Variants in NOL4 observed in about 807,000 individuals in gnomAD.
NOL4 encodes the protein nucleolar protein 4.
A neutral mutation model predicts 75.9 loss-of-function variants in NOL4; 17 were observed. The ratio of observed to expected loss-of-function variants is 0.22; its 90% CI spans 0.15 to 0.34. NOL4 has a LOEUF of 0.34. NOL4 is among the 10% of genes least tolerant of loss of function. The probability of loss-of-function intolerance (pLI) is 1.00; values close to 1 mark genes in which losing one functional copy is unlikely to be tolerated. For synonymous variants in NOL4, 292 were observed against 289.9 expected (o/e 1.01, Z -0.07); for missense variants, 614 against 793.5 (o/e 0.77, Z 2.72).
At chr18:34,171,711 A>G (rs1038323674) in intron 1 of NOL4, among the ~76,000 whole-genome samples, 5 of 152,158 alleles carry the variant, frequency 3.3e-5, no homozygotes, top group African/African-American at 9.6e-5. Flanking sequence ...TTCTACAAAT[A>G]AAGAGATGAT....
At chr18:34,164,793 T>C (rs1192592907) in intron 1 of NOL4, among the ~76,000 whole-genome samples, 1 of 151,730 alleles carries the variant, frequency 6.6e-6, no homozygotes, top group African/African-American at 2.4e-5. Context: ...CATGCACACG[T>C]ATGTTTATTG....
At chr18:33,894,319 A>G (rs985610624) in intron 9 of NOL4, among the ~76,000 whole-genome samples, 3 of 152,132 alleles carry the variant, frequency 2.0e-5, no homozygotes, top group Non-Finnish European at 2.9e-5. Flanking sequence ...TGATGGCATC[A>G]ACAAAACACA....
At chr18:34,142,391 T>C (rs982514152) in intron 1 of NOL4, among the ~76,000 whole-genome samples, 4 of 152,202 alleles carry the variant, frequency 2.6e-5, no homozygotes, top group Non-Finnish European at 4.4e-5. Flanking sequence ...TGTATGTTTA[T>C]TGTGGCACTA....
intron 9 of NOL4, among the ~76,000 whole-genome samples, chr18:33,896,026 A>G (rs2065382386): frequency 6.6e-6 from 1 of 152,102 alleles, no homozygotes; most frequent in African/African-American, 2.4e-5. Context: ...CCAAGAACCA[A>G]ATCAGAAAGG....
At chr18:34,167,439 C>T (rs576498994) in intron 1 of NOL4, among the ~76,000 whole-genome samples, 2 of 152,192 alleles carry the variant, frequency 1.3e-5, no homozygotes, top group Non-Finnish European at 2.9e-5. Context: ...ACTACTTCTT[C>T]TACCTGTTTC....
intron 1 of NOL4, among the ~76,000 whole-genome samples, chr18:34,192,043 C>T (rs189377203): frequency 1.3e-5 from 2 of 152,236 alleles, no homozygotes; most frequent in East Asian, 3.9e-4. Flanking sequence ...ATCAGATGTA[C>T]ATCTCTCCAC....
At chr18:33,982,265 TAGTC>T (rs1455752311) in intron 6 of NOL4, among the ~76,000 whole-genome samples, 6 of 152,094 alleles carry the variant, frequency 3.9e-5, no homozygotes, top group Non-Finnish European at 8.8e-5. Flanking sequence ...AGAACAGAGA[TAGTC>T]AGAGTGGATC....
intron 5 of NOL4, among the ~76,000 whole-genome samples, chr18:34,050,802 A>T (rs2076594879): frequency 6.6e-6 from 1 of 152,130 alleles, no homozygotes; most frequent in Non-Finnish European, 1.5e-5. Flanking sequence ...TTCACAAAAC[A>T]AGTTTTAAAT....
At chr18:33,982,435 T>G (rs974796074) in intron 6 of NOL4, among the ~76,000 whole-genome samples, 1 of 152,102 alleles carries the variant, frequency 6.6e-6, no homozygotes, top group Non-Finnish European at 1.5e-5. Flanking sequence ...GGAGCAGACT[T>G]CAAAGCCAGA....
At chr18:34,145,054 G>A (rs2081341440) in intron 1 of NOL4, among the ~76,000 whole-genome samples, 2 of 151,938 alleles carry the variant, frequency 1.3e-5, no homozygotes, top group Admixed American at 6.6e-5. Context: ...GAGGTAATTT[G>A]GCAAGATATT....
At chr18:33,905,358 C>A (rs562954010) in intron 9 of NOL4, among the ~76,000 whole-genome samples, 5 of 152,118 alleles carry the variant, frequency 3.3e-5, no homozygotes, top group South Asian at 2.1e-4. Context: ...AATACCCATT[C>A]ATCAGTTAAA....
At chr18:34,189,034 C>T (rs529736160) in intron 1 of NOL4, among the ~76,000 whole-genome samples, 3 of 152,166 alleles carry the variant, frequency 2.0e-5, no homozygotes, top group Admixed American at 6.5e-5. Context: ...TTAGTCTGTT[C>T]TCTGTTTCTG....
At chr18:33,906,346 A>AACCT (rs559148117) in intron 9 of NOL4, among the ~76,000 whole-genome samples, 153 of 152,234 alleles carry the variant, frequency 1.0e-3, no homozygotes, top group African/African-American at 3.5e-3. Flanking sequence ...ACATAAAACC[A>AACCT]ACCTGAAATG....
At chr18:33,985,728 C>T (rs1336915284) in intron 6 of NOL4, among the ~76,000 whole-genome samples, 2 of 152,232 alleles carry the variant, frequency 1.3e-5, no homozygotes, top group African/African-American at 2.4e-5. Context: ...GCTGTACATT[C>T]AGCAGATTAG....
At chr18:33,916,428 C>T (rs1399590031) in intron 9 of NOL4, among the ~76,000 whole-genome samples, 2 of 152,138 alleles carry the variant, frequency 1.3e-5, no homozygotes, top group African/African-American at 4.8e-5. Flanking sequence ...CAATCTTTAT[C>T]AGGCGTACTC....
rs1456686595 is a variant in NOL4, at chr18:33,852,255, A to ACAGTAGTTT, written c.*578_*586dup. ...GCAAAGGGATGTGGAAAAGGTACTT[A>ACAGTAGTTT]CAGTAGTTTCTCAAAACAGTTTTCT... is the stretch of plus-strand genomic sequence containing the variant. On this transcript the variant is annotated 3_prime_UTR_variant, in exon 11 of 11. Transcript: ENST00000261592. 2 of 152,516 alleles carry ACAGTAGTTT rather than the reference A, an allele frequency of 1.3e-5. No individual in the cohort carries two copies. Among genetic ancestry groups the ACAGTAGTTT allele is most frequent in the Non-Finnish European group, 2.9e-5 (2 of 67,992 alleles). The allele number at this position is 152,516 out of a possible 1,614,324, so 9.4% of individuals were successfully genotyped here.
At chr18:34,025,437 G>A (rs1836850642) in intron 5 of NOL4, among the ~76,000 whole-genome samples, 1 of 152,152 alleles carries the variant, frequency 6.6e-6, no homozygotes, top group African/African-American at 2.4e-5. Flanking sequence ...ATTCACATGT[G>A]CTGAAGTCAC....
intron 9 of NOL4, among the ~76,000 whole-genome samples, chr18:33,922,347 T>C (rs190657915): frequency 1.3e-5 from 2 of 152,362 alleles, no homozygotes; most frequent in Admixed American, 1.3e-4. Context: ...CCAGATTGTT[T>C]TCTCCTGGTT....
intron 1 of NOL4, among the ~76,000 whole-genome samples, chr18:34,152,945 A>G (rs1425908882): frequency 6.6e-6 from 1 of 151,914 alleles, no homozygotes; most frequent in Non-Finnish European, 1.5e-5. Flanking sequence ...ATCACATTGT[A>G]ATAGATAAGT....
Sources: gnomAD v4.1 joint callset for allele counts (sites outside exome capture counted in the v4.1 genomes callset) on GRCh38, gnomAD v4.1.1 for gene constraint, MANE v1.5 for transcripts, NCBI Gene and HGNC (gene_info 2026-07-23, HGNC 2026-07-21) for gene names.